B3GAT1: variants seen among roughly 807,000 people sequenced by gnomAD.
B3GAT1 encodes the protein galactosylgalactosylxylosylprotein 3-beta-glucuronosyltransferase 1.
In B3GAT1, 11 loss-of-function variants were observed where a neutral mutation model predicts 28.4. The observed-to-expected ratio is 0.39, with a 90% CI of 0.24 to 0.64. The LOEUF is 0.64. Among genes scored for constraint, B3GAT1 ranks in the 30% least tolerant of loss-of-function variants. The pLI is 0.50. For synonymous variants in B3GAT1, 255 were observed against 223.1 expected (o/e 1.14, Z -1.27); for missense variants, 375 against 491.0 (o/e 0.76, Z 2.23).
rs551297531 is a variant in B3GAT1, at chr11:134,404,445, A to T, written c.-282+7362T>A. On this transcript the variant is annotated intron_variant, in intron 1 of 5. Coordinates refer to ENST00000312527, the MANE Select transcript of B3GAT1 (RefSeq NM_054025.3). Reference sequence around the variant, plus strand: ...TGGCTAAGATGGTAAGTTTTATGTTATGTGTTTTTTAAATAACAATGAAAA... The same window carrying T: ...TGGCTAAGATGGTAAGTTTTATGTTTTGTGTTTTTTAAATAACAATGAAAA... Among the ~76,000 whole-genome samples, 51 of 152,266 alleles carry T rather than the reference A, an allele frequency of 3.3e-4. 1 individual carries two copies. Among genetic ancestry groups the T allele is most frequent in the African/African-American group, 1.1e-3 (44 of 41,558 alleles).
chr11:134,396,779 C>G (rs1944512252), intron 1 of B3GAT1, among the ~76,000 whole-genome samples: 1 of 152,184 alleles, frequency 6.6e-6, no homozygotes, highest in Non-Finnish European at 1.5e-5. Context: ...GGGCTGCTTG[C>G]TGGAGGGCAG....
chr11:134,381,859 A>T, intron 5 of B3GAT1, 65 bp downstream of exon 5: 1 of 1,289,388 alleles, frequency 7.8e-7, no homozygotes, highest in Non-Finnish European at 1.1e-6. Context: ...AGAATGAGAC[A>T]GTTGATTCGG....
At chr11:134,384,960 G>A (rs1201476670) in intron 2 of B3GAT1, 1 of 152,160 alleles carries the variant, frequency 6.6e-6, no homozygotes, top group Non-Finnish European at 1.5e-5. Flanking sequence ...CAATGACGGT[G>A]TGGCCCTCCT....
Position 134,384,192 on chromosome 11 carries a change from C to CG in B3GAT1, c.113-5dup, listed in dbSNP as rs1565449806. On this transcript the variant is annotated splice_polypyrimidine_tract_variant and splice_region_variant and intron_variant, in intron 2 of 5. Transcript: ENST00000312527. Reference sequence around the variant, plus strand: ...CGTCGGGGGTCACTGCCCTCATCTGCGGAGTCGGGAGACCGGCGATGTGGG... The same window carrying CG: ...CGTCGGGGGTCACTGCCCTCATCTGCGGGAGTCGGGAGACCGGCGATGTGGG... The CG allele has an allele frequency of 1.3e-6, 2 of 1,530,246 alleles. No homozygotes were observed. The highest frequency in any genetic ancestry group is 3.6e-5 in the Admixed American group (2 of 54,878). 94.8% of individuals were successfully genotyped at this position (1,530,246 alleles called of 1,614,324 possible).
intron 1 of B3GAT1, among the ~76,000 whole-genome samples, chr11:134,394,746 G>A (rs564523502): frequency 6.6e-6 from 1 of 152,228 alleles, no homozygotes; most frequent in Non-Finnish European, 1.5e-5. Context: ...AAACCATCTT[G>A]TTCCCTTCTA....
rs1191829810 is a variant in B3GAT1, at chr11:134,411,706, C to T, written c.-282+101G>A. The T allele has an allele frequency of 2.7e-5, 4 of 146,862 alleles. No individual in the cohort carries two copies. Among genetic ancestry groups the T allele is most frequent in the Admixed American group, 2.7e-4 (4 of 15,018 alleles). 9.1% of individuals were successfully genotyped at this position (146,862 alleles called of 1,614,324 possible). A position where few individuals can be genotyped will look rare whatever the true frequency, so the allele number is the denominator to read the frequency against. ...CACACACACACACACACACACACAC[C>T]CCAGCGCGCGCCCGGGAGGACATGG... On this transcript the variant is annotated intron_variant, in intron 1 of 5. Transcript: ENST00000312527. The surrounding 1 kb of genome is among the most constrained non-coding windows in gnomAD (Gnocchi z 6.0).
chr11:134,387,850 C>A lies in B3GAT1; in HGVS notation c.-191G>T, dbSNP rs757054778. ...ACCAGCACTCACAACCCACCCATTG[C>A]GGAAGCAGGTTTGGAGAGTCCGGCC... On this transcript the variant is annotated 5_prime_UTR_variant, in exon 2 of 6. Transcript: ENST00000312527. 2 of 1,528,034 alleles carry A rather than the reference C, an allele frequency of 1.3e-6. No homozygotes were observed. The highest frequency in any genetic ancestry group is 2.0e-5 in the Admixed American group (1 of 50,662). 94.7% of individuals were successfully genotyped at this position (1,528,034 alleles called of 1,614,324 possible). A position where few individuals can be genotyped will look rare whatever the true frequency, so the allele number is the denominator to read the frequency against.
chr11:134,390,038 T>C lies in B3GAT1; in HGVS notation c.-281-2098A>G, dbSNP rs183587001. The C allele has an allele frequency of 2.6e-5, 4 of 152,158 alleles. No individual in the cohort carries two copies. The East Asian group carries it at 7.7e-4, about 29-fold the overall frequency. 9.4% of individuals were successfully genotyped at this position (152,158 alleles called of 1,614,324 possible). ...CCATCCAGAGAGTCTCCCCCACCCA[T>C]TCCCCGGGGAGTGGAAGACCCACTG... On this transcript the variant is annotated intron_variant, in intron 1 of 5. Coordinates refer to ENST00000312527, the MANE Select transcript of B3GAT1 (RefSeq NM_054025.3).
intron 1 of B3GAT1, among the ~76,000 whole-genome samples, chr11:134,407,537 A>T (rs1055187119): frequency 6.6e-6 from 1 of 152,350 alleles, no homozygotes; most frequent in Admixed American, 6.5e-5. Flanking sequence ...GTTAGTCCTC[A>T]AATCCAGTCA....
chr11:134,383,063 C>T (rs1565448600), intron 3 of B3GAT1, 57 bp from the exon 4 acceptor site: 25 of 1,476,018 alleles, frequency 1.7e-5, no homozygotes, highest in South Asian at 4.0e-5. Flanking sequence ...GACGGCCGCG[C>T]GTGCCCAAGG....
Position 134,382,886 on chromosome 11 carries a change from G to A in B3GAT1, c.742C>T (p.His248Tyr), listed in dbSNP as rs1292907806. ...GCCATGTCTATTGCAAATGGCCGGT[G>A]GGGGTCAAACACCGTCTTCCAGCCG... ...VVGWKTVFDP[H>Y]RPFAIDMAGF... The change falls in exon 4 of 6, where the codon CAC becomes TAC. Residue 248 changes from histidine (H) to tyrosine (Y), a missense_variant. Coordinates refer to ENST00000312527, the MANE Select transcript of B3GAT1 (RefSeq NM_054025.3). 1 of 1,613,978 alleles carries A rather than the reference G, an allele frequency of 6.2e-7. No homozygotes were observed. Among genetic ancestry groups the A allele is most frequent in the African/African-American group, 1.3e-5 (1 of 74,914 alleles).
intron 1 of B3GAT1, chr11:134,389,202 G>A (rs1944358942): frequency 6.6e-6 from 1 of 152,236 alleles, no homozygotes; most frequent in African/African-American, 2.4e-5. Flanking sequence ...TTTGGTGACA[G>A]TCTTTTGAGG....
intron 1 of B3GAT1, among the ~76,000 whole-genome samples, chr11:134,405,236 C>T (rs1278714410): frequency 6.6e-6 from 1 of 152,166 alleles, no homozygotes; most frequent in Non-Finnish European, 1.5e-5. Flanking sequence ...GGTGTCAGAG[C>T]AGTGGTGACC....
intron 2 of B3GAT1, chr11:134,387,076 A>G: frequency 5.6e-6 from 1 of 179,366 alleles, no homozygotes. Flanking sequence ...CCATATCCTA[A>G]ACCCACTGAC....
chr11:134,382,654 G>A (rs891010422), intron 4 of B3GAT1, 56 bp downstream of exon 4: 33 of 1,569,752 alleles, frequency 2.1e-5, no homozygotes, highest in Middle Eastern at 1.7e-4. Context: ...TGTAGGGAGG[G>A]TCTGGATGTA....
intron 2 of B3GAT1, chr11:134,385,295 G>T (rs61908689): frequency 0.12 from 18,888 of 152,404 alleles, 1,205 homozygotes; most frequent in East Asian, 0.24. Flanking sequence ...GAGGACCCCG[G>T]GCATCAGCTC....
Position 134,384,167 on chromosome 11 carries a change from C to G in B3GAT1, c.134G>C (p.Arg45Pro). Residue 45 changes from arginine to proline, a missense_variant, in exon 3 of 6, where the codon CGC becomes CCC. Coordinates refer to ENST00000312527, the MANE Select transcript of B3GAT1 (RefSeq NM_054025.3). Reference sequence around the variant, plus strand: ...GGGGTCGGCGCCGGGCGGCGTTTCGCGTCGGGGGTCACTGCCCTCATCTGC... The same window carrying G: ...GGGGTCGGCGCCGGGCGGCGTTTCGGGTCGGGGGTCACTGCCCTCATCTGC... ...VHKDEGSDPR[R>P]ETPPGADPRE... is the part of the protein sequence containing the mutation. 6.5e-7 allele frequency: 1 copy of G among 1,547,482 alleles called. No homozygotes were observed. The highest frequency in any genetic ancestry group is 8.7e-7 in the Non-Finnish European group (1 of 1,147,264).
chr11:134,401,978 GGC>G (rs869273132), intron 1 of B3GAT1, among the ~76,000 whole-genome samples: 6,310 of 118,964 alleles, frequency 0.053, 527 homozygotes, highest in East Asian at 0.13. Context: ...GGCGGGGGGG[GGC>G]GGGCAGCCTG....
chr11:134,389,102 G>A (rs1944356909), intron 1 of B3GAT1: 1 of 152,236 alleles, frequency 6.6e-6, no homozygotes, highest in East Asian at 1.9e-4. Flanking sequence ...TTTCTCTGCA[G>A]CCTCATCAGC....
Sources: allele counts gnomAD v4.1 joint callset (sites outside exome capture counted in the v4.1 genomes callset), GRCh38; gene constraint gnomAD v4.1.1; non-coding constraint Gnocchi (gnomAD v3.1); transcripts MANE v1.5; gene names NCBI Gene and HGNC (gene_info 2026-07-23, HGNC 2026-07-21).